The following RCSD1 variants were observed in gnomAD, a reference collection of about 807,000 sequenced individuals.
RCSD1 encodes the protein RCSD domain containing 1.
A neutral mutation model predicts 42.5 loss-of-function variants in RCSD1; 26 were observed. That is an observed-to-expected ratio of 0.61 (90% CI 0.45 to 0.85). RCSD1 has a LOEUF of 0.85. RCSD1 is among the 40% of genes least tolerant of loss of function. The pLI, the probability that RCSD1 is intolerant of heterozygous loss-of-function variation, is 0.00. For missense variants in RCSD1, 571 were observed against 528.3 expected, an observed-to-expected ratio of 1.08 and a Z score of -0.79; for synonymous variants, 220 against 212.2, an observed-to-expected ratio of 1.04 and a Z score of -0.32.
At chr1:167,693,424 A>G (rs1371473661) in intron 4 of RCSD1, among the ~76,000 whole-genome samples, 1 of 152,162 alleles carries the variant, frequency 6.6e-6, no homozygotes, top group Non-Finnish European at 1.5e-5. Context: ...TTTCATTTTG[A>G]TCGGGTCACA....
intron 1 of RCSD1, among the ~76,000 whole-genome samples, chr1:167,673,975 G>A (rs1031519101): frequency 6.6e-6 from 1 of 152,184 alleles, no homozygotes; most frequent in Non-Finnish European, 1.5e-5. Context: ...GCAGTGTTAT[G>A]CATTTCCCAA....
intron 6 of RCSD1, among the ~76,000 whole-genome samples, chr1:167,701,905 G>A (rs1331798179): frequency 6.6e-6 from 1 of 152,156 alleles, no homozygotes; most frequent in Non-Finnish European, 1.5e-5. Context: ...GGCTTCCTCA[G>A]GCACCCATGT....
At chr1:167,658,470 G>C (rs1295171268) in intron 1 of RCSD1, among the ~76,000 whole-genome samples, 1 of 152,172 alleles carries the variant, frequency 6.6e-6, no homozygotes, top group Non-Finnish European at 1.5e-5. Flanking sequence ...CTGTTGCCCA[G>C]ACTGGAGTGC....
At chr1:167,673,629 A>G (rs1034111004) in intron 1 of RCSD1, among the ~76,000 whole-genome samples, 3 of 152,268 alleles carry the variant, frequency 2.0e-5, no homozygotes, top group African/African-American at 7.2e-5. Context: ...AAGGTCACCT[A>G]TATAGCTAAT....
rs758027109 is a variant in RCSD1 at position 167,707,852 on chromosome 1, G to A, written c.*3156G>A. Among the ~76,000 whole-genome samples, 12 of 152,180 alleles carry A rather than the reference G, an allele frequency of 7.9e-5. No homozygotes were observed. The highest frequency in any genetic ancestry group is 1.8e-4 in the Non-Finnish European group (12 of 68,004). ...TCGGATTACAAGTATGCACCACCAT[G>A]CCCAGCTAATTTTTGTATTTTTTAG... On this transcript the variant is annotated 3_prime_UTR_variant, in exon 7 of 7. Transcript: ENST00000367854.
rs751615497 is a variant in RCSD1 at position 167,694,268 on chromosome 1, C to A, written c.440C>A (p.Pro147His). ...GAGGTGCCTGTCAGCTTCGACCAGC[C>A]CCCTGAAGGCAGTCATCTGCCCTGT... ...AEEVPVSFDQ[P>H]PEGSHLPCYN... The change falls in exon 5 of 7, where the codon CCC (proline) becomes CAC (histidine). Residue 147 changes from proline (P) to histidine (H), a missense_variant. By Grantham distance (77) the Pro-to-His change is moderately conservative (BLOSUM62 -2). Transcript: ENST00000367854. 2.0e-5 allele frequency: 33 copies of A among 1,614,036 alleles called. No homozygotes were observed. Among genetic ancestry groups the A allele is most frequent in the Non-Finnish European group, 2.7e-5 (32 of 1,180,034 alleles).
intron 1 of RCSD1, among the ~76,000 whole-genome samples, chr1:167,630,960 T>G (rs1657682706): frequency 6.6e-6 from 1 of 152,166 alleles, no homozygotes; most frequent in African/African-American, 2.4e-5. Context: ...GCTTCTGAAG[T>G]CCTTCCTGTG....
At chr1:167,651,806 G>T (rs1658314070) in intron 1 of RCSD1, among the ~76,000 whole-genome samples, 1 of 152,132 alleles carries the variant, frequency 6.6e-6, no homozygotes, top group African/African-American at 2.4e-5. Flanking sequence ...CAGGGAACAG[G>T]GTGGGATGAG....
intron 1 of RCSD1, chr1:167,633,649 A>G (rs1040903299): frequency 2.6e-5 from 4 of 152,152 alleles, no homozygotes; most frequent in Non-Finnish European, 4.4e-5. Context: ...ATTCATGCAG[A>G]GGCCATCTGC....
At chr1:167,667,004 G>C (rs972594185) in intron 1 of RCSD1, among the ~76,000 whole-genome samples, 1 of 152,222 alleles carries the variant, frequency 6.6e-6, no homozygotes. Context: ...ATTCAACTCA[G>C]CTGGATGGCT....
intron 1 of RCSD1, among the ~76,000 whole-genome samples, chr1:167,678,327 T>C (rs1024646400): frequency 1.3e-5 from 2 of 152,200 alleles, no homozygotes; most frequent in Admixed American, 6.5e-5. Flanking sequence ...CTTAGACGTC[T>C]AATAGACATG....
intron 6 of RCSD1, among the ~76,000 whole-genome samples, chr1:167,700,476 GTC>G (rs1310293984): frequency 6.6e-6 from 1 of 151,696 alleles, no homozygotes; most frequent in Non-Finnish European, 1.5e-5. Flanking sequence ...GTGAAACCCC[GTC>G]TCTACTAAAA....
At chr1:167,633,350 G>T (rs866575997) in intron 1 of RCSD1, among the ~76,000 whole-genome samples, 7 of 152,294 alleles carry the variant, frequency 4.6e-5, no homozygotes, top group Middle Eastern at 3.4e-3. Flanking sequence ...GACTAGATTA[G>T]GTTCAGAAGA....
Position 167,704,806 on chromosome 1 carries a change from TGA to T in RCSD1, c.*112_*113del. 9.1e-7 allele frequency: 1 copy of T among 1,093,854 alleles called. No individual in the cohort carries two copies. Among genetic ancestry groups the T allele is most frequent in the South Asian group, 1.3e-5 (1 of 76,580 alleles). The allele number at this position is 1,093,854 out of a possible 1,614,324, so 67.8% of individuals were successfully genotyped here. ...AAGCCATTGCAGAGGCAGAATATGC[TGA>T]GTGTCTGGAGTCAGCCTGAAGACAC... is the stretch of plus-strand genomic sequence containing the variant. On this transcript the variant is annotated 3_prime_UTR_variant, in exon 7 of 7. Transcript: ENST00000367854.
chr1:167,685,515 GTGC>G lies in RCSD1; in HGVS notation c.198+11_198+13del, dbSNP rs1659211743. The G allele has an allele frequency of 6.2e-7, 1 of 1,612,498 alleles. No individual in the cohort carries two copies. Among genetic ancestry groups the G allele is most frequent in the African/African-American group, 1.3e-5 (1 of 74,856 alleles). On this transcript the variant is annotated splice_donor_region_variant and intron_variant, in intron 3 of 6. Transcript: ENST00000367854. Reference sequence around the variant, plus strand: ...CTGGGCCAGAATGGTGAGGAGGTAAGTGCTGCTGTTGGGGCTCAGAGGATGCTG... The same window carrying G: ...CTGGGCCAGAATGGTGAGGAGGTAAGTGCTGTTGGGGCTCAGAGGATGCTG...
At chr1:167,687,299 C>T (rs1171453866) in intron 3 of RCSD1, among the ~76,000 whole-genome samples, 2 of 152,014 alleles carry the variant, frequency 1.3e-5, no homozygotes, top group Admixed American at 6.6e-5. Context: ...CCGAGGTGGG[C>T]GGATCACGAG....
At chr1:167,671,241 C>T (rs142610983) in intron 1 of RCSD1, among the ~76,000 whole-genome samples, 132 of 152,278 alleles carry the variant, frequency 8.7e-4, no homozygotes, top group African/African-American at 2.9e-3. Context: ...GTGGGCTATG[C>T]TCTTGATTCT....
At chr1:167,684,651 G>A (rs1659178011) in intron 2 of RCSD1, among the ~76,000 whole-genome samples, 1 of 152,116 alleles carries the variant, frequency 6.6e-6, no homozygotes, top group Non-Finnish European at 1.5e-5. Flanking sequence ...GAGGCAGGCA[G>A]ATCACTTAAG....
chr1:167,704,469 T>C (rs1659711741), intron 6 of RCSD1, among the ~76,000 whole-genome samples, 195 bp from the exon 7 acceptor site: 1 of 151,876 alleles, frequency 6.6e-6, no homozygotes, highest in African/African-American at 2.4e-5. Flanking sequence ...CTACCTCATA[T>C]TGCTTTTGTG....
Sources: gnomAD v4.1 joint callset for allele counts (sites outside exome capture counted in the v4.1 genomes callset) on GRCh38, gnomAD v4.1.1 for gene constraint, MANE v1.5 for transcripts, NCBI Gene and HGNC (gene_info 2026-07-23, HGNC 2026-07-21) for gene names.